ENTPD5: variants seen among roughly 807,000 people sequenced by gnomAD.
ENTPD5 encodes the protein ectonucleoside triphosphate diphosphohydrolase 5 (inactive).
Under a neutral mutation model 60.2 loss-of-function variants are expected in ENTPD5, and 49 were observed. That is an observed-to-expected ratio of 0.81 (90% confidence interval 0.65 to 1.03). The LOEUF (loss-of-function observed/expected upper bound fraction) is 1.03. ENTPD5 is among the 50% of genes least tolerant of loss of function. ENTPD5 has a pLI of 0.00. For synonymous variants in ENTPD5, 187 were observed against 185.4 expected, an observed-to-expected ratio of 1.01 and a Z score of -0.07; for missense variants, 480 against 507.6, an observed-to-expected ratio of 0.95 and a Z score of 0.52.
At chr14:74,002,468 T>G (rs761431225) in intron 3 of ENTPD5, among the ~76,000 whole-genome samples, 78 of 151,678 alleles carry the variant, frequency 5.1e-4, no homozygotes, top group Non-Finnish European at 7.9e-4. Flanking sequence ...AGTCTCACTA[T>G]GTTACCCAGG....
chr14:74,008,465 T>C (rs1001463732), intron 3 of ENTPD5, among the ~76,000 whole-genome samples: 6 of 151,912 alleles, frequency 3.9e-5, no homozygotes, highest in South Asian at 4.2e-4. Flanking sequence ...CTTGGCTCAC[T>C]GCAACCTCCG....
chr14:74,014,974 C>T (rs186929693), intron 2 of ENTPD5, among the ~76,000 whole-genome samples: 51 of 151,334 alleles, frequency 3.4e-4, no homozygotes, highest in African/African-American at 1.0e-3. Context: ...CCCAGCTACT[C>T]GGGAGGCTGA....
rs2056837708 is a variant in ENTPD5, at chr14:73,963,270, G to T, written c.*3658C>A. 3.7e-6 allele frequency: 2 copies of T among 539,464 alleles called. No homozygotes were observed. The highest frequency in any genetic ancestry group is 5.8e-5 in the South Asian group (2 of 34,778). 33.4% of individuals were successfully genotyped at this position (539,464 alleles called of 1,614,324 possible). ...CTTTTTATTACTAAAAAACCCACAAGGTGCTGTCTCACTCATTTCCAGTTA... is the reference window on the plus strand; with the variant it reads ...CTTTTTATTACTAAAAAACCCACAATGTGCTGTCTCACTCATTTCCAGTTA... On this transcript the variant is annotated 3_prime_UTR_variant, in exon 16 of 16. Coordinates refer to ENST00000334696, the MANE Select transcript of ENTPD5 (RefSeq NM_001249.5).
chr14:73,964,376 T>C lies in ENTPD5; in HGVS notation c.*2552A>G, dbSNP rs994839458. Reference sequence around the variant, plus strand: ...GCGTTACAGAAAAAAATAAAAACTCTCATTCCAAATTGCTCCTAAGATGGA... The same window carrying C: ...GCGTTACAGAAAAAAATAAAAACTCCCATTCCAAATTGCTCCTAAGATGGA... On this transcript the variant is annotated 3_prime_UTR_variant, in exon 16 of 16. Coordinates refer to ENST00000334696, the MANE Select transcript of ENTPD5 (RefSeq NM_001249.5). 5.9e-5 allele frequency: 9 copies of C among 152,184 alleles called. No individual in the cohort carries two copies. The highest frequency in any genetic ancestry group is 2.0e-4 in the Admixed American group (3 of 15,280). The allele number at this position is 152,184 out of a possible 1,614,324, so 9.4% of individuals were successfully genotyped here.
intron 3 of ENTPD5, chr14:73,996,341 A>AACT (rs992153489): frequency 1.7e-4 from 42 of 251,854 alleles, no homozygotes; most frequent in South Asian, 6.0e-4. Flanking sequence ...CTTTTATCAT[A>AACT]GTTAACTTCC....
chr14:73,997,910 C>G (rs974971071), intron 3 of ENTPD5, among the ~76,000 whole-genome samples: 1 of 152,256 alleles, frequency 6.6e-6, no homozygotes, highest in East Asian at 1.9e-4. Flanking sequence ...GCAAGGAGTA[C>G]CCCCTTTCCC....
intron 5 of ENTPD5, among the ~76,000 whole-genome samples, chr14:73,984,740 T>C (rs141591199): frequency 3.7e-4 from 57 of 152,286 alleles, no homozygotes; most frequent in African/African-American, 1.3e-3. Context: ...AATATACCCC[T>C]GACCCTGGTA....
rs139742469 is a variant in ENTPD5, at chr14:73,995,956, T to C, written c.-70-7784A>G. 7.4e-4 allele frequency among the ~76,000 whole-genome samples: 112 copies of C among 152,188 alleles called. 2 individuals are homozygous for C. The highest frequency in any genetic ancestry group is 2.4e-3 in the African/African-American group (101 of 41,468). The stretch of plus-strand genomic sequence containing the variant: ...TTGTCACTATCTCCATCTCCTTCTA[T>C]GGTCTTTTGTGTCTCTTTATACCTG... On this transcript the variant is annotated intron_variant, in intron 3 of 15. Transcript: ENST00000334696.
intron 3 of ENTPD5, among the ~76,000 whole-genome samples, chr14:74,000,944 T>C (rs568070296): frequency 1.3e-5 from 2 of 151,976 alleles, no homozygotes; most frequent in African/African-American, 4.8e-5. Context: ...TCAAGAGCCA[T>C]ATGGAGTGGC....
intron 15 of ENTPD5, 61 bp from the exon 16 acceptor site, chr14:73,967,075 C>T (rs1402741898): frequency 6.4e-6 from 9 of 1,412,682 alleles, no homozygotes; most frequent in Non-Finnish European, 8.0e-6. Flanking sequence ...GCAAGCACAG[C>T]TCTTGGGCAG....
At chr14:73,978,395 G>C (rs1380697710) in intron 6 of ENTPD5, among the ~76,000 whole-genome samples, 1 of 152,032 alleles carries the variant, frequency 6.6e-6, no homozygotes, top group Non-Finnish European at 1.5e-5. Context: ...CCTGAGGTCA[G>C]GAGTTCGAGA....
At chr14:73,973,752 G>T in intron 12 of ENTPD5, 125 bp downstream of exon 12, 2 of 764,550 alleles carry the variant, frequency 2.6e-6, no homozygotes, top group Non-Finnish European at 4.4e-6. Flanking sequence ...GGCATGCCAA[G>T]ATCTTTGGAA....
At chr14:73,968,425 CTTT>C (rs34108477) in intron 15 of ENTPD5, among the ~76,000 whole-genome samples, 150 of 133,764 alleles carry the variant, frequency 1.1e-3, no homozygotes, top group Admixed American at 2.5e-3. Context: ...TACTGATACT[CTTT>C]TTTTTTTTTT....
At position 73,972,931 on chromosome 14, in the gene ENTPD5, T is replaced by G; in HGVS notation, c.980A>C (p.Tyr327Ser). Residue 327 changes from tyrosine (Y) to serine (S), a missense_variant, in exon 13 of 16, where the codon TAT becomes TCT. Physicochemically the swap from Tyr to Ser is moderately radical, Grantham distance 144. Coordinates refer to ENST00000334696, the MANE Select transcript of ENTPD5 (RefSeq NM_001249.5). The stretch of plus-strand genomic sequence containing the variant: ...TCGGTCATAATAGTAAGAGAAAGCA[T>G]AGAAGGAACCTCTCTGGACCTCCTC... ...QPEEVQRGSF[Y>S]AFSYYYDRAV... is the part of the protein sequence containing the mutation. 6.2e-7 allele frequency: 1 copy of G among 1,614,196 alleles called. No homozygotes were observed. Among genetic ancestry groups the G allele is most frequent in the Non-Finnish European group, 8.5e-7 (1 of 1,180,034 alleles).
chr14:73,966,732 T>A lies in ENTPD5; in HGVS notation c.*196A>T. On this transcript the variant is annotated 3_prime_UTR_variant, in exon 16 of 16. Coordinates refer to ENST00000334696, the MANE Select transcript of ENTPD5 (RefSeq NM_001249.5). The stretch of plus-strand genomic sequence containing the variant: ...AACTATACTTTTTGGCTCACAGGGC[T>A]CTCTGTGATGCTCTGGTGCCAGCTG... 1 of 489,758 alleles carries A rather than the reference T, an allele frequency of 2.0e-6. No individual in the cohort carries two copies. The highest frequency in any genetic ancestry group is 3.6e-6 in the Non-Finnish European group (1 of 277,214). 30.3% of individuals were successfully genotyped at this position (489,758 alleles called of 1,614,324 possible). A position where few individuals can be genotyped will look rare whatever the true frequency, so the allele number is the denominator to read the frequency against.
At chr14:73,957,199 A>C (rs1184190364), downstream of ENTPD5, among the ~76,000 whole-genome samples, 1 of 151,322 alleles carries the variant, frequency 6.6e-6, no homozygotes, top group East Asian at 1.9e-4. Flanking sequence ...CCAGGTTCAC[A>C]CCATTCTCCT....
chr14:74,007,499 G>A (rs1232131103), intron 3 of ENTPD5, among the ~76,000 whole-genome samples: 1 of 151,888 alleles, frequency 6.6e-6, no homozygotes, highest in East Asian at 1.9e-4. Flanking sequence ...TCCAGTCTAG[G>A]TGACAGAGCA....
At chr14:74,010,581 A>G (rs73303107) in intron 3 of ENTPD5, among the ~76,000 whole-genome samples, 11,653 of 152,112 alleles carry the variant, frequency 0.077, 608 homozygotes, top group South Asian at 0.26. Context: ...AAGTGTTTCC[A>G]TTGTGAATTA....
intron 3 of ENTPD5, among the ~76,000 whole-genome samples, chr14:74,009,687 A>G (rs906648135): frequency 1.3e-5 from 2 of 152,228 alleles, no homozygotes; most frequent in African/African-American, 4.8e-5. Flanking sequence ...GAGCAATCAC[A>G]GCTCACTGCG....
Sources: gnomAD v4.1 joint callset for allele counts (sites outside exome capture counted in the v4.1 genomes callset) on GRCh38, gnomAD v4.1.1 for gene constraint, MANE v1.5 for transcripts, NCBI Gene and HGNC (gene_info 2026-07-23, HGNC 2026-07-21) for gene names.